Variants in CLTRN observed in about 807,000 individuals in gnomAD.
The protein encoded by CLTRN is collectrin.
In CLTRN, 12 loss-of-function variants were observed where a neutral mutation model predicts 14.5. That is an observed-to-expected ratio of 0.83 (90% CI 0.53 to 1.34). The LOEUF is 1.34. CLTRN is among the 40% of genes most tolerant of loss of function. The probability of loss-of-function intolerance (pLI) is 0.00; values close to 1 mark genes in which losing one functional copy is unlikely to be tolerated. For synonymous variants in CLTRN, 58 were observed against 56.5 expected (o/e 1.03, Z -0.12); for missense variants, 154 against 165.1 (o/e 0.93, Z 0.37).
intron 1 of CLTRN, among the ~76,000 whole-genome samples, chrX:15,672,412 A>G (rs752224486): frequency 4.9e-5 from 5 of 102,550 alleles, no homozygotes; most frequent in African/African-American, 7.3e-5. Context: ...ATGAAATAGT[A>G]TTTTCCATCC....
chrX:15,670,310 C>A (rs1601741943), intron 1 of CLTRN, among the ~76,000 whole-genome samples: 1 of 83,927 alleles, frequency 1.2e-5, no homozygotes, highest in Admixed American at 1.2e-4. Flanking sequence ...AAAAACAAAA[C>A]ACACACACAC....
intron 3 of CLTRN, among the ~76,000 whole-genome samples, chrX:15,650,846 G>A (rs1282159425): frequency 1.8e-5 from 2 of 112,146 alleles, no homozygotes; most frequent in African/African-American, 6.5e-5. Flanking sequence ...CAATGTTGTG[G>A]GAAGGGGGCC....
At chrX:15,637,728 C>G (rs1485769470) in intron 5 of CLTRN, among the ~76,000 whole-genome samples, 1 of 112,230 alleles carries the variant, frequency 8.9e-6, no homozygotes, top group African/African-American at 3.2e-5. Flanking sequence ...ACTTATTGAG[C>G]ACTCACTGTG....
upstream of CLTRN, among the ~76,000 whole-genome samples, chrX:15,668,284 C>T (rs181733726): frequency 3.5e-3 from 395 of 111,896 alleles, no homozygotes; most frequent in African/African-American, 0.01. Flanking sequence ...ATAAGACGCA[C>T]CCTTGTCTTC....
At chrX:15,659,893 T>C (rs996093399) in intron 2 of CLTRN, among the ~76,000 whole-genome samples, 3 of 112,327 alleles carry the variant, frequency 2.7e-5, no homozygotes, top group African/African-American at 9.7e-5. Flanking sequence ...CCAGTCTGTG[T>C]TACTCTGTTA....
intron 5 of CLTRN, among the ~76,000 whole-genome samples, chrX:15,634,942 A>AAAATAAATAAAT (rs200118112): frequency 0.014 from 1,514 of 107,211 alleles, 24 homozygotes; most frequent in African/African-American, 0.049. Context: ...ATAATAATAA[A>AAAATAAATAAAT]AAATAAATAA....
At chrX:15,630,125 G>T (rs1928655810) in intron 5 of CLTRN, among the ~76,000 whole-genome samples, 1 of 111,690 alleles carries the variant, frequency 9.0e-6, no homozygotes, top group Admixed American at 9.6e-5. Context: ...CTGAACAAAT[G>T]ATGAAAGGTG....
At chrX:15,673,944 G>C (rs1242796567) in intron 1 of CLTRN, among the ~76,000 whole-genome samples, 1 of 112,302 alleles carries the variant, frequency 8.9e-6, no homozygotes, top group Admixed American at 9.4e-5. Context: ...CTGCTAATTA[G>C]AACAACAAAC....
chrX:15,653,181 T>G (rs183343621), intron 3 of CLTRN, among the ~76,000 whole-genome samples: 141 of 110,729 alleles, frequency 1.3e-3, no homozygotes, highest in Non-Finnish European at 2.0e-3. Flanking sequence ...AAGTTTGGGG[T>G]TTTTTTTCCT....
chrX:15,632,627 C>T (rs1268888930), intron 5 of CLTRN, among the ~76,000 whole-genome samples: 2 of 109,142 alleles, frequency 1.8e-5, no homozygotes, highest in Admixed American at 9.7e-5. Context: ...TGTGGTGGCT[C>T]GCGCCTGTAA....
chrX:15,640,053 T>C (rs1395778075), intron 4 of CLTRN, among the ~76,000 whole-genome samples: 3 of 111,072 alleles, frequency 2.7e-5, no homozygotes, highest in African/African-American at 9.9e-5. Flanking sequence ...TCCTGAGAGG[T>C]AGTAAGGTAG....
intron 3 of CLTRN, among the ~76,000 whole-genome samples, chrX:15,657,872 C>T (rs762451534): frequency 8.9e-6 from 1 of 111,805 alleles, no homozygotes; most frequent in Non-Finnish European, 1.9e-5. Context: ...TTAAAATATA[C>T]ATGTGTGTAT....
chrX:15,632,114 C>T (rs1478656387), intron 5 of CLTRN, among the ~76,000 whole-genome samples: 2 of 111,452 alleles, frequency 1.8e-5, no homozygotes, highest in Admixed American at 9.5e-5. Flanking sequence ...GAGTGAATAT[C>T]TCTCATATAC....
intron 3 of CLTRN, chrX:15,646,293 A>C (rs901062854): frequency 2.0e-4 from 49 of 248,396 alleles, no homozygotes; most frequent in South Asian, 1.9e-3. Context: ...TTTTGATACC[A>C]AAGGTCGCTG....
intron 4 of CLTRN, among the ~76,000 whole-genome samples, chrX:15,644,398 T>A (rs747106302): frequency 2.1e-4 from 23 of 111,916 alleles, no homozygotes; most frequent in South Asian, 7.5e-4. Context: ...ATTTTGCCAT[T>A]CCTCACTTTC....
chrX:15,646,462 A>ACCCCCCCCCCCCCCAC, intron 3 of CLTRN: 1 of 170,839 alleles, frequency 5.9e-6, no homozygotes, highest in South Asian at 4.9e-5. Context: ...CCGCGCACCC[A>ACCCCCCCCCCCCCCAC]CCCCCCCGCC....
rs780415345 is a variant in CLTRN, at chrX:15,627,996, T to C, written c.644A>G (p.Glu215Gly). 11 of 1,049,799 alleles carry C rather than the reference T, an allele frequency of 1.0e-5. No homozygotes were observed. The African/African-American group carries it at 2.1e-4, about 20-fold the overall frequency. The allele number at this position is 1,049,799 out of a possible 1,213,427, so 86.5% of individuals were successfully genotyped here. Reference protein sequence around the residue: ...GGHINDAFMTEDERLTPL With the variant: ...GGHINDAFMTGDERLTPL Reference sequence around the variant, plus strand: ...TCAGAGAGGGGTGAGCCTCTCATCCTCTGTCATGAAGGCATCATTAATATG... The same window carrying C: ...TCAGAGAGGGGTGAGCCTCTCATCCCCTGTCATGAAGGCATCATTAATATG... Residue 215 changes from glutamate to glycine, a missense_variant, in exon 6 of 6, where the codon GAG becomes GGG. Physicochemically the swap from Glu to Gly is moderately conservative, Grantham distance 98. Coordinates refer to ENST00000380342, the MANE Select transcript of CLTRN (RefSeq NM_020665.6).
chrX:15,652,531 C>T (rs769571131), intron 3 of CLTRN, among the ~76,000 whole-genome samples: 1 of 108,612 alleles, frequency 9.2e-6, no homozygotes, highest in South Asian at 3.9e-4. Context: ...CCTTTTTAAC[C>T]ATCTCATACA....
intron 2 of CLTRN, among the ~76,000 whole-genome samples, chrX:15,659,664 A>C (rs981377110): frequency 9.0e-6 from 1 of 111,027 alleles, no homozygotes; most frequent in African/African-American, 3.3e-5. Flanking sequence ...AAGTTGTTGG[A>C]GTGGGCCCTA....
Sources: gnomAD v4.1 joint callset for allele counts (sites outside exome capture counted in the v4.1 genomes callset) on GRCh38, gnomAD v4.1.1 for gene constraint, MANE v1.5 for transcripts, NCBI Gene and HGNC (gene_info 2026-07-23, HGNC 2026-07-21) for gene names.